The following MRPS30 variants were observed in gnomAD, a reference collection of about 807,000 sequenced individuals.
MRPS30 encodes large ribosomal subunit protein mL65.
MRPS30 carries 42 observed loss-of-function variants against 43.8 expected under a neutral mutation model. The ratio of observed to expected loss-of-function variants is 0.96; its 90% CI spans 0.75 to 1.24. The LOEUF (loss-of-function observed/expected upper bound fraction) is 1.24, where lower values mean the gene tolerates loss of function less well. Ranked by LOEUF, MRPS30 falls within the 50% of genes most tolerant of loss-of-function variation. MRPS30 has a pLI of 0.00. For missense variants in MRPS30, 638 were observed against 570.0 expected (o/e 1.12, Z -1.22); for synonymous variants, 273 against 228.2 (o/e 1.20, Z -1.77).
At position 44,812,140 on chromosome 5, in the gene MRPS30, G is replaced by A. The variant is rs1294071209; in HGVS notation, c.853+120G>A. ...AGACCGAGAGGTTTACATAGTCTAT[G>A]AGCAATATAATTCGTAATCTCAGGT... On this transcript the variant is annotated intron_variant, in intron 3 of 4. Transcript: ENST00000507110. 3.5e-5 allele frequency: 19 copies of A among 547,426 alleles called. No homozygotes were observed. In the Admixed American group the frequency reaches 7.1e-4, roughly 21 times the overall value. The allele number at this position is 547,426 out of a possible 1,614,324, so 33.9% of individuals were successfully genotyped here.
intron 3 of MRPS30, 143 bp from the exon 4 acceptor site, chr5:44,812,963 T>A: frequency 1.4e-5 from 9 of 664,786 alleles, no homozygotes; most frequent in Middle Eastern, 6.5e-4. Context: ...GATATATAAG[T>A]AAACTAATAT....
chr5:44,810,885 C>T, intron 1 of MRPS30, 124 bp from the exon 2 acceptor site: 2 of 796,866 alleles, frequency 2.5e-6, no homozygotes, highest in South Asian at 2.1e-5. Flanking sequence ...ACCACATAAC[C>T]CAGACTCTTA....
rs756934614 is a variant in MRPS30 at position 44,811,152 on chromosome 5, G to A, written c.745G>A (p.Glu249Lys). The A allele has an allele frequency of 9.3e-6, 15 of 1,613,816 alleles. No individual in the cohort carries two copies. The highest frequency in any genetic ancestry group is 1.2e-5 in the Non-Finnish European group (14 of 1,179,880). The change falls in exon 2 of 5, where the codon GAG (glutamate) becomes AAG (lysine). Residue 249 changes from glutamate (E) to lysine (K), a missense_variant and splice_region_variant. Glu to Lys is a moderately conservative substitution (Grantham distance 56). Transcript: ENST00000507110. ...GATTCGAATATCCAAGCAACTCGCA[G>A]AGGTAAGGATTTATTGCGATTATGT... ...NQIRISKQLA[E>K]FVPLDYSVPI...
intron 4 of MRPS30, among the ~76,000 whole-genome samples, chr5:44,814,256 A>G (rs1742886093): frequency 6.6e-6 from 1 of 152,240 alleles, no homozygotes; most frequent in Non-Finnish European, 1.5e-5. Context: ...CACTATGTGA[A>G]TATCCAAGAG....
In MRPS30 at chr5:44,808,998, C is replaced by A. The variant is rs1174898561; in HGVS notation, c.36C>A (p.Arg12=). ...CCAGGTGTTGGAGGCCTTTGCTACG[C>A]GGTCCGAGGCTTTCATTGCACACCG... The part of the protein sequence containing the change: ...AAARCWRPLL[R]GPRLSLHTAA... The change falls in exon 1 of 5, where the codon CGC becomes CGA. Residue 12 remains arginine (R), a synonymous_variant. Transcript: ENST00000507110. 5.6e-6 allele frequency: 9 copies of A among 1,607,788 alleles called. No homozygotes were observed. Among genetic ancestry groups the A allele is most frequent in the Non-Finnish European group, 7.6e-6 (9 of 1,177,716 alleles).
Position 44,815,211 on chromosome 5 carries a change from A to G in MRPS30, c.*9A>G, listed in dbSNP as rs770568622. On this transcript the variant is annotated 3_prime_UTR_variant, in exon 5 of 5. Coordinates refer to ENST00000507110, the MANE Select transcript of MRPS30 (RefSeq NM_016640.4). Reference sequence around the variant, plus strand: ...AGCTGTTGGAAAACTGAAAAAGCATATTTGATTGAGAACTGTGGGAATATT... The same window carrying G: ...AGCTGTTGGAAAACTGAAAAAGCATGTTTGATTGAGAACTGTGGGAATATT... 1.3e-6 allele frequency: 2 copies of G among 1,567,464 alleles called. No homozygotes were observed. Among genetic ancestry groups the G allele is most frequent in the South Asian group, 1.2e-5 (1 of 83,770 alleles).
At chr5:44,814,547 A>G (rs921075203) in intron 4 of MRPS30, among the ~76,000 whole-genome samples, 11 of 152,202 alleles carry the variant, frequency 7.2e-5, no homozygotes, top group African/African-American at 2.7e-4. Context: ...ATGACATAAA[A>G]TACGTGTGGA....
intron 4 of MRPS30, among the ~76,000 whole-genome samples, chr5:44,813,860 A>C (rs1437624389): frequency 6.6e-6 from 1 of 152,160 alleles, no homozygotes; most frequent in Non-Finnish European, 1.5e-5. Flanking sequence ...ACTATGGGGA[A>C]AATACTTTAG....
At chr5:44,812,983 T>G in intron 3 of MRPS30, 123 bp from the exon 4 acceptor site, 1 of 762,414 alleles carries the variant, frequency 1.3e-6, no homozygotes, top group Non-Finnish European at 2.1e-6. Context: ...TTCCTACTTA[T>G]GTATTTAGAG....
At chr5:44,810,423 A>G (rs896387785) in intron 1 of MRPS30, among the ~76,000 whole-genome samples, 1 of 152,224 alleles carries the variant, frequency 6.6e-6, no homozygotes, top group Non-Finnish European at 1.5e-5. Flanking sequence ...TTTTTGACGC[A>G]TTCATTATTT....
Position 44,811,174 on chromosome 5 carries a change from A to G in MRPS30, c.747+20A>G. On this transcript the variant is annotated intron_variant, in intron 2 of 4. Coordinates refer to ENST00000507110, the MANE Select transcript of MRPS30 (RefSeq NM_016640.4). Reference sequence around the variant, plus strand: ...GCAGAGGTAAGGATTTATTGCGATTATGTATCTATTGATATCTCGTGTAGG... The same window carrying G: ...GCAGAGGTAAGGATTTATTGCGATTGTGTATCTATTGATATCTCGTGTAGG... 6.2e-7 allele frequency: 1 copy of G among 1,612,040 alleles called. No individual in the cohort carries two copies. The highest frequency in any genetic ancestry group is 1.1e-5 in the South Asian group (1 of 91,010).
chr5:44,809,756 G>C, intron 1 of MRPS30, 193 bp downstream of exon 1: 1 of 613,932 alleles, frequency 1.6e-6, no homozygotes, highest in Non-Finnish European at 2.8e-6. Context: ...AGGTGTGTGT[G>C]GCTGCGCTAA....
chr5:44,809,631 G>C (rs1315182099), intron 1 of MRPS30, 68 bp downstream of exon 1: 40 of 1,417,500 alleles, frequency 2.8e-5, no homozygotes, highest in Non-Finnish European at 3.7e-5. Flanking sequence ...CTCTGCCGCA[G>C]ATTTACCCCT....
At position 44,809,068 on chromosome 5, in the gene MRPS30, G is replaced by A. The variant is rs1405462633; in HGVS notation, c.106G>A (p.Val36Ile). The change falls in exon 1 of 5, where the codon GTC (valine) becomes ATC (isoleucine). Residue 36 changes from valine (V) to isoleucine (I), a missense_variant. By Grantham distance (29) the Val-to-Ile change is conservative. Coordinates refer to ENST00000507110, the MANE Select transcript of MRPS30 (RefSeq NM_016640.4). Reference sequence around the variant, plus strand: ...GGCTACAGAAACGACCTGCCAAGACGTCGCGGCGACCCCCGTCGCGCGGTA... The same window carrying A: ...GGCTACAGAAACGACCTGCCAAGACATCGCGGCGACCCCCGTCGCGCGGTA... ...ATATETTCQD[V>I]AATPVARYPP... The A allele has an allele frequency of 6.2e-7, 1 of 1,610,232 alleles. No individual in the cohort carries two copies. The highest frequency in any genetic ancestry group is 1.1e-5 in the South Asian group (1 of 90,856).
chr5:44,809,858 A>G (rs891967931), intron 1 of MRPS30: 12 of 377,674 alleles, frequency 3.2e-5, no homozygotes, highest in Non-Finnish European at 5.2e-5. Flanking sequence ...ATGGAAGAGC[A>G]GTGGTGATGA....
chr5:44,814,788 G>A (rs992164735), intron 4 of MRPS30, 125 bp from the exon 5 acceptor site: 10 of 852,640 alleles, frequency 1.2e-5, no homozygotes, highest in Non-Finnish European at 1.8e-5. Flanking sequence ...AGGTCTTCAG[G>A]GATTTTGTTA....
intron 3 of MRPS30, among the ~76,000 whole-genome samples, chr5:44,812,289 A>C (rs186870122): frequency 6.6e-6 from 1 of 152,332 alleles, no homozygotes; most frequent in East Asian, 1.9e-4. Flanking sequence ...ATTAGATAGA[A>C]AAATTAGTGT....
intron 1 of MRPS30, 94 bp from the exon 2 acceptor site, chr5:44,810,915 A>T: frequency 2.7e-6 from 3 of 1,097,104 alleles, no homozygotes; most frequent in Non-Finnish European, 3.9e-6. Flanking sequence ...TTCCTAAGTT[A>T]TCATTTGCTA....
At position 44,809,244 on chromosome 5, in the gene MRPS30, C is replaced by A. The variant is rs1182834144; in HGVS notation, c.282C>A (p.Tyr94Ter). The change falls in exon 1 of 5, where the codon TAC becomes TAA. Residue 94 changes from tyrosine (Y) to a stop codon, truncating the protein, a stop_gained. Coordinates refer to ENST00000507110, the MANE Select transcript of MRPS30 (RefSeq NM_016640.4). LOFTEE classifies it high-confidence loss of function. ...TKMQFMKYMVYPQTFALNADR... is the reference protein window; with the variant it reads ...TKMQFMKYMV ...TGCAGTTTATGAAGTACATGGTTTACCCGCAGACCTTCGCGCTGAATGCCG... is the reference window on the plus strand; with the variant it reads ...TGCAGTTTATGAAGTACATGGTTTAACCGCAGACCTTCGCGCTGAATGCCG... The A allele has an allele frequency of 6.2e-7, 1 of 1,613,692 alleles. No individual in the cohort carries two copies. The highest frequency in any genetic ancestry group is 1.7e-5 in the Admixed American group (1 of 60,026).
Sources: gnomAD v4.1 joint callset for allele counts (sites outside exome capture counted in the v4.1 genomes callset) on GRCh38, gnomAD v4.1.1 for gene constraint, MANE v1.5 for transcripts, NCBI Gene and HGNC (gene_info 2026-07-23, HGNC 2026-07-21) for gene names.